Variants in PGAP1 observed in about 807,000 individuals in gnomAD.
The protein encoded by PGAP1 is post-GPI attachment to proteins inositol deacylase 1, also known as GPI inositol-deacylase.
Under a neutral mutation model 127.0 loss-of-function variants are expected in PGAP1, and 76 were observed. That is an observed-to-expected ratio of 0.60 (90% CI 0.50 to 0.72). The LOEUF is 0.72. Ranked by LOEUF, PGAP1 falls within the 30% of genes least tolerant of loss-of-function variation. PGAP1 has a pLI of 0.00. For missense variants in PGAP1, 982 were observed against 1,071.3 expected (o/e 0.92, Z 1.16); for synonymous variants, 362 against 366.5 (o/e 0.99, Z 0.14).
intron 1 of PGAP1, among the ~76,000 whole-genome samples, chr2:196,920,736 A>G (rs1167221936): frequency 6.6e-6 from 1 of 152,146 alleles, no homozygotes; most frequent in Admixed American, 6.5e-5. Flanking sequence ...TGGTCAAGAC[A>G]TGTACACTCT....
At chr2:196,898,461 A>T in intron 5 of PGAP1, 92 bp from the exon 6 acceptor site, 2 of 822,070 alleles carry the variant, frequency 2.4e-6, no homozygotes, top group Non-Finnish European at 4.0e-6. Context: ...TTAGAAACAC[A>T]TAATATAGTT....
chr2:196,859,221 G>T (rs898867116), intron 20 of PGAP1, among the ~76,000 whole-genome samples: 4 of 152,108 alleles, frequency 2.6e-5, no homozygotes, highest in Non-Finnish European at 5.9e-5. Context: ...CAGCTACTTG[G>T]GAGACTGAAG....
chr2:196,905,441 C>T (rs1182877317), intron 4 of PGAP1, among the ~76,000 whole-genome samples: 1 of 152,138 alleles, frequency 6.6e-6, no homozygotes, highest in Non-Finnish European at 1.5e-5. Context: ...AAAACCGGGC[C>T]TCATAATAAT....
intron 25 of PGAP1, 91 bp from the exon 26 acceptor site, chr2:196,842,916 T>C: frequency 1.8e-6 from 1 of 547,846 alleles, no homozygotes; most frequent in East Asian, 3.3e-5. Context: ...GTTAAAGACA[T>C]TCCAGTAGCA....
At chr2:196,866,894 C>T (rs1329266958) in intron 19 of PGAP1, among the ~76,000 whole-genome samples, 3 of 151,388 alleles carry the variant, frequency 2.0e-5, no homozygotes, top group East Asian at 1.9e-4. Flanking sequence ...TTTTCAACAT[C>T]GTCTGGTCAT....
In PGAP1 at chr2:196,843,989, A is replaced by G. The variant is rs977747256; in HGVS notation, c.2424T>C (p.Asp808=). The G allele has an allele frequency of 6.2e-7, 1 of 1,608,484 alleles. No individual in the cohort carries two copies. Residue 808 remains aspartate (D), a synonymous_variant, in exon 25 of 27, where the codon GAT becomes GAC. Transcript: ENST00000354764. The part of the protein sequence containing the change: ...SIHHLRLSAN[D]AEDSLRMHST... ...TGTGCATGCGAAGGCTATCTTCAGCATCGTTGGCAGATAAACGAAGATGGT... is the reference window on the plus strand; with the variant it reads ...TGTGCATGCGAAGGCTATCTTCAGCGTCGTTGGCAGATAAACGAAGATGGT...
chr2:196,894,193 C>T (rs1011650487), intron 7 of PGAP1, among the ~76,000 whole-genome samples: 3 of 152,136 alleles, frequency 2.0e-5, no homozygotes, highest in African/African-American at 7.2e-5. Context: ...GTTCTCCATT[C>T]AAATAAAACA....
In PGAP1 at chr2:196,837,609, G is replaced by C. The variant is rs899995107; in HGVS notation, c.*3625C>G. The C allele has an allele frequency of 6.6e-6, 1 of 152,174 alleles. No homozygotes were observed. The highest frequency in any genetic ancestry group is 1.5e-5 in the Non-Finnish European group (1 of 68,042). 9.4% of individuals were successfully genotyped at this position (152,174 alleles called of 1,614,324 possible). ...CCATTGGACTCCAGCCTGGGTGACA[G>C]AATGAGACTCTGTTTCTAAAGAAAA... On this transcript the variant is annotated 3_prime_UTR_variant, in exon 27 of 27. Coordinates refer to ENST00000354764, the MANE Select transcript of PGAP1 (RefSeq NM_024989.4).
At chr2:196,890,052 GC>G (rs1702049922) in intron 10 of PGAP1, among the ~76,000 whole-genome samples, 1 of 151,380 alleles carries the variant, frequency 6.6e-6, no homozygotes, top group Non-Finnish European at 1.5e-5. Flanking sequence ...TCCTTCCCCA[GC>G]CCCCCAAGTA....
At chr2:196,854,628 T>C (rs1353938445) in intron 20 of PGAP1, among the ~76,000 whole-genome samples, 2 of 152,220 alleles carry the variant, frequency 1.3e-5, no homozygotes, top group African/African-American at 4.8e-5. Context: ...AAAATTTCCT[T>C]ATCACTTTGG....
chr2:196,873,391 C>A (rs1701465236), intron 16 of PGAP1, 137 bp downstream of exon 16: 1 of 650,832 alleles, frequency 1.5e-6, no homozygotes. Flanking sequence ...GAAATATAAA[C>A]AACCTGTTAT....
intron 16 of PGAP1, 25 bp from the exon 17 acceptor site, chr2:196,873,051 T>G (rs770082063): frequency 7.2e-6 from 5 of 694,578 alleles, no homozygotes; most frequent in Middle Eastern, 4.9e-4. Context: ...AAAAAATGTA[T>G]TATTAACAAC....
intron 7 of PGAP1, among the ~76,000 whole-genome samples, chr2:196,894,778 G>T (rs1387996772): frequency 6.6e-6 from 1 of 152,034 alleles, no homozygotes; most frequent in Non-Finnish European, 1.5e-5. Flanking sequence ...CTCCAGCCTG[G>T]GTGACAGAGC....
intron 10 of PGAP1, among the ~76,000 whole-genome samples, chr2:196,888,727 A>C (rs920800020): frequency 2.6e-5 from 4 of 152,220 alleles, no homozygotes; most frequent in African/African-American, 7.2e-5. Flanking sequence ...TTAAAATTTA[A>C]GTGAACCAAG....
chr2:196,897,634 C>T (rs1702328366), intron 6 of PGAP1, among the ~76,000 whole-genome samples: 1 of 152,174 alleles, frequency 6.6e-6, no homozygotes, highest in Non-Finnish European at 1.5e-5. Context: ...CTAATCCCTA[C>T]TTGGTTTTCC....
intron 4 of PGAP1, among the ~76,000 whole-genome samples, chr2:196,912,636 T>C (rs974591359): frequency 7.3e-6 from 1 of 137,826 alleles, no homozygotes; most frequent in Non-Finnish European, 1.6e-5. Context: ...GCCTAGAAAT[T>C]ATAAAACACA....
At chr2:196,846,148 G>T (rs565822919) in intron 22 of PGAP1, 131 bp from the exon 23 acceptor site, 1 of 474,230 alleles carries the variant, frequency 2.1e-6, no homozygotes, top group East Asian at 3.7e-5. Context: ...AAACAACAAG[G>T]TATTTTTTAA....
chr2:196,923,654 CT>C (rs952446115), intron 1 of PGAP1, among the ~76,000 whole-genome samples: 6 of 151,518 alleles, frequency 4.0e-5, no homozygotes, highest in South Asian at 2.1e-4. Context: ...CTCATATTTT[CT>C]TTTTTTCTTT....
intron 19 of PGAP1, among the ~76,000 whole-genome samples, chr2:196,866,767 A>G (rs1701255216): frequency 6.6e-6 from 1 of 152,144 alleles, no homozygotes; most frequent in South Asian, 2.1e-4. Flanking sequence ...ACTTAAACAA[A>G]TTCACAAGAA....
Sources: gnomAD v4.1 joint callset for allele counts (sites outside exome capture counted in the v4.1 genomes callset) on GRCh38, gnomAD v4.1.1 for gene constraint, MANE v1.5 for transcripts, NCBI Gene and HGNC (gene_info 2026-07-23, HGNC 2026-07-21) for gene names.